The following ENPP2 variants were observed in gnomAD, a reference collection of about 807,000 sequenced individuals.
ENPP2 encodes the protein ectonucleotide pyrophosphatase/phosphodiesterase 2.
In ENPP2, 51 loss-of-function variants were observed where a neutral mutation model predicts 120.2. That is an observed-to-expected ratio of 0.42 (90% confidence interval 0.34 to 0.54). The LOEUF is 0.54. ENPP2 is among the 20% of genes least tolerant of loss of function. ENPP2 has a pLI of 0.04. For synonymous variants in ENPP2, 365 were observed against 366.4 expected (o/e 1.00, Z 0.04); for missense variants, 920 against 1,066.5 (o/e 0.86, Z 1.91).
intron 1 of ENPP2, among the ~76,000 whole-genome samples, chr8:119,672,602 T>C (rs1409510373): frequency 6.6e-6 from 1 of 152,156 alleles, no homozygotes; most frequent in Admixed American, 6.5e-5. Flanking sequence ...CTCCCTCTAG[T>C]CTTATCCAAA....
chr8:119,588,203 G>C (rs185514494), intron 13 of ENPP2, among the ~76,000 whole-genome samples: 1 of 151,956 alleles, frequency 6.6e-6, no homozygotes, highest in African/African-American at 2.4e-5. Flanking sequence ...ATAATAGCCC[G>C]AATAGATTTC....
At chr8:119,589,100 T>C (rs887583152) in intron 13 of ENPP2, among the ~76,000 whole-genome samples, 8 of 152,226 alleles carry the variant, frequency 5.3e-5, no homozygotes, top group Non-Finnish European at 1.2e-4. Context: ...CTATCTGAAA[T>C]AGTGGTATGA....
chr8:119,659,530 C>A (rs1453714700), intron 1 of ENPP2, among the ~76,000 whole-genome samples: 2 of 152,150 alleles, frequency 1.3e-5, no homozygotes, highest in African/African-American at 4.8e-5. Flanking sequence ...GGCTTCCCTG[C>A]CAGGACTTTG....
At chr8:119,628,627 T>C (rs1816445736) in intron 2 of ENPP2, among the ~76,000 whole-genome samples, 1 of 152,182 alleles carries the variant, frequency 6.6e-6, no homozygotes, top group Admixed American at 6.5e-5. Flanking sequence ...TATGGAAAGA[T>C]CTACAAAATA....
chr8:119,614,742 A>C (rs1040439967), intron 8 of ENPP2, among the ~76,000 whole-genome samples: 5 of 152,172 alleles, frequency 3.3e-5, no homozygotes, highest in Non-Finnish European at 7.3e-5. Flanking sequence ...ATTAATATAA[A>C]AGACCCACTA....
At chr8:119,580,239 G>A (rs998034699) in intron 18 of ENPP2, 72 bp from the exon 19 acceptor site, 162 of 1,189,708 alleles carry the variant, frequency 1.4e-4, no homozygotes, top group Non-Finnish European at 2.0e-4. Context: ...GTGCCCTTCT[G>A]TCGACTTAGC....
intron 1 of ENPP2, among the ~76,000 whole-genome samples, chr8:119,644,625 TACACACACACACACACACACACATATAG>T (rs1587564499): frequency 2.8e-3 from 204 of 74,176 alleles, no homozygotes; most frequent in East Asian, 9.4e-3. Flanking sequence ...TATATATATA[TACACACACACACACACACACACATATAG>T]ATATATATAT....
chr8:119,578,690 G>A (rs1053748242), intron 19 of ENPP2, among the ~76,000 whole-genome samples: 2 of 152,098 alleles, frequency 1.3e-5, no homozygotes, highest in African/African-American at 2.4e-5. Flanking sequence ...GTTAGGTGTC[G>A]AACATTGCAA....
At chr8:119,564,318 G>T (rs1387000455) in intron 23 of ENPP2, among the ~76,000 whole-genome samples, 3 of 151,960 alleles carry the variant, frequency 2.0e-5, no homozygotes, top group Non-Finnish European at 4.4e-5. Flanking sequence ...GAATAAAAAA[G>T]TGCATTTATT....
intron 22 of ENPP2, among the ~76,000 whole-genome samples, chr8:119,566,389 T>C (rs559386245): frequency 5.3e-4 from 80 of 152,338 alleles, no homozygotes; most frequent in Admixed American, 1.8e-3. Flanking sequence ...AAAAAGCACC[T>C]GGCCATGCTT....
chr8:119,625,041 A>G (rs1398445324), intron 3 of ENPP2, among the ~76,000 whole-genome samples: 1 of 152,256 alleles, frequency 6.6e-6, no homozygotes, highest in Non-Finnish European at 1.5e-5. Flanking sequence ...GAGCTAAGCT[A>G]GAGTCAGGGA....
At chr8:119,593,416 T>A (rs1813676561) in intron 12 of ENPP2, among the ~76,000 whole-genome samples, 2 of 152,182 alleles carry the variant, frequency 1.3e-5, no homozygotes, top group Admixed American at 6.5e-5. Context: ...GGATAGGAGA[T>A]TATCACCTGA....
intron 1 of ENPP2, among the ~76,000 whole-genome samples, chr8:119,648,615 C>A (rs78330703): frequency 0.023 from 3,466 of 152,262 alleles, 80 homozygotes; most frequent in Middle Eastern, 0.11. Context: ...ACGTGCTTAC[C>A]AGCACAATGG....
intron 8 of ENPP2, among the ~76,000 whole-genome samples, chr8:119,615,044 A>T (rs1456518222): frequency 6.6e-6 from 1 of 152,184 alleles, no homozygotes; most frequent in Non-Finnish European, 1.5e-5. Flanking sequence ...AAATATTTTG[A>T]TCACAAATGA....
At chr8:119,566,091 G>A (rs114610698) in intron 22 of ENPP2, among the ~76,000 whole-genome samples, 125 of 151,966 alleles carry the variant, frequency 8.2e-4, no homozygotes, top group East Asian at 3.9e-3. Context: ...TCTTTCCTTC[G>A]TTTGAAAAAC....
intron 1 of ENPP2, among the ~76,000 whole-genome samples, chr8:119,656,894 G>C (rs991398349): frequency 6.6e-6 from 1 of 152,030 alleles, no homozygotes; most frequent in Admixed American, 6.6e-5. Context: ...AGAATTGCAT[G>C]AAGTATTTAT....
At chr8:119,665,761 A>G (rs1037968612) in intron 1 of ENPP2, among the ~76,000 whole-genome samples, 2 of 152,244 alleles carry the variant, frequency 1.3e-5, no homozygotes, top group African/African-American at 4.8e-5. Flanking sequence ...ATGACATTTT[A>G]AAAGCAAAGT....
intron 22 of ENPP2, among the ~76,000 whole-genome samples, chr8:119,567,816 T>C (rs946917840): frequency 2.0e-5 from 3 of 152,196 alleles, no homozygotes; most frequent in African/African-American, 7.2e-5. Context: ...AGATAATAAG[T>C]ATTGAAATAA....
intron 8 of ENPP2, among the ~76,000 whole-genome samples, chr8:119,612,403 A>G (rs1336535714): frequency 6.6e-6 from 1 of 152,208 alleles, no homozygotes; most frequent in African/African-American, 2.4e-5. Context: ...CTTTCCATCA[A>G]GTCAACCCCT....
Sources: allele counts gnomAD v4.1 joint callset (sites outside exome capture counted in the v4.1 genomes callset), GRCh38; gene constraint gnomAD v4.1.1; transcripts MANE v1.5; gene names NCBI Gene and HGNC (gene_info 2026-07-23, HGNC 2026-07-21).